Variants in SMAD2 observed in about 807,000 individuals in gnomAD.
SMAD2 encodes the protein SMAD family member 2.
Under a neutral mutation model 64.4 loss-of-function variants are expected in SMAD2, and 8 were observed. That is an observed-to-expected ratio of 0.12 (90% CI 0.07 to 0.22). SMAD2 has a LOEUF of 0.22. Ranked by LOEUF, SMAD2 falls within the 10% of genes least tolerant of loss-of-function variation. SMAD2 has a pLI of 1.00. For missense variants in SMAD2, 289 were observed against 561.2 expected (o/e 0.51, Z 4.90); for synonymous variants, 203 against 195.8 (o/e 1.04, Z -0.31).
Position 47,837,173 on chromosome 18 carries a change from C to T in SMAD2, c.*4654G>A, listed in dbSNP as rs551250099. ...ATGATTGATCAATTTGAATAGCAAC[C>T]TTCATGATGAAGAAATTAGGACTCT... On this transcript the variant is annotated 3_prime_UTR_variant, in exon 11 of 11. Transcript: ENST00000262160. 2 of 201,656 alleles carry T rather than the reference C, an allele frequency of 9.9e-6. No homozygotes were observed. The highest frequency in any genetic ancestry group is 3.8e-4 in the South Asian group (2 of 5,232). The allele number at this position is 201,656 out of a possible 1,614,324, so 12.5% of individuals were successfully genotyped here. A position where few individuals can be genotyped will look rare whatever the true frequency, so the allele number is the denominator to read the frequency against.
chr18:47,852,991 G>C (rs1307294612), intron 6 of SMAD2, among the ~76,000 whole-genome samples: 1 of 152,126 alleles, frequency 6.6e-6, no homozygotes, highest in Non-Finnish European at 1.5e-5. Flanking sequence ...TTACCTAAAA[G>C]AGCATGACCC....
At chr18:47,881,242 G>A (rs548190563) in intron 2 of SMAD2, among the ~76,000 whole-genome samples, 2 of 152,264 alleles carry the variant, frequency 1.3e-5, no homozygotes, top group South Asian at 2.1e-4. Flanking sequence ...CTGGCCATAT[G>A]AGAATCACAA....
intron 1 of SMAD2, among the ~76,000 whole-genome samples, chr18:47,915,978 A>G (rs544695819): frequency 5.8e-4 from 89 of 152,354 alleles, no homozygotes; most frequent in African/African-American, 2.1e-3. Context: ...TGTCATGAAC[A>G]AGTACTAAAT....
Position 47,841,603 on chromosome 18 carries a change from C to A in SMAD2, c.*224G>T. The A allele has an allele frequency of 1.8e-6, 1 of 569,946 alleles. No homozygotes were observed. The highest frequency in any genetic ancestry group is 3.1e-6 in the Non-Finnish European group (1 of 319,096). 35.3% of individuals were successfully genotyped at this position (569,946 alleles called of 1,614,324 possible). A position where few individuals can be genotyped will look rare whatever the true frequency, so the allele number is the denominator to read the frequency against. ...TAAGACATCATTAAGTCTTTAAAATCTTCTCTTCCTCTTTAATGGGAGAGT... is the reference window on the plus strand; with the variant it reads ...TAAGACATCATTAAGTCTTTAAAATATTCTCTTCCTCTTTAATGGGAGAGT... On this transcript the variant is annotated 3_prime_UTR_variant, in exon 11 of 11. Coordinates refer to ENST00000262160, the MANE Select transcript of SMAD2 (RefSeq NM_005901.6).
rs1912717062 is a variant in SMAD2, at chr18:47,825,424, T to C, written c.*16403A>G. 6.6e-6 allele frequency: 1 copy of C among 152,252 alleles called. No individual in the cohort carries two copies. The highest frequency in any genetic ancestry group is 2.1e-4 in the South Asian group (1 of 4,814). The allele number at this position is 152,252 out of a possible 1,614,324, so 9.4% of individuals were successfully genotyped here. ...GACTAGATTAGTCCCCAGGAGTGGGTTGTTAAAAAGAGACTTGTTTGGTTG... is the reference window on the plus strand; with the variant it reads ...GACTAGATTAGTCCCCAGGAGTGGGCTGTTAAAAAGAGACTTGTTTGGTTG... On this transcript the variant is annotated 3_prime_UTR_variant, in exon 11 of 11. Transcript: ENST00000262160.
intron 1 of SMAD2, among the ~76,000 whole-genome samples, chr18:47,924,239 A>G (rs1598905536): frequency 8.3e-6 from 1 of 120,794 alleles, no homozygotes; most frequent in African/African-American, 3.2e-5. Flanking sequence ...CAGGAGCAAA[A>G]CTCCGTCTCA....
In SMAD2 at chr18:47,823,155, T is replaced by G. The variant is rs1242993470; in HGVS notation, c.*18672A>C. ...GCCTGGCTTCAATGGTTCTCAGCAT[T>G]ACACTGAATTAAAAATTATCATTTC... On this transcript the variant is annotated 3_prime_UTR_variant, in exon 11 of 11. Transcript: ENST00000262160. The G allele has an allele frequency of 6.6e-6, 1 of 152,164 alleles. No homozygotes were observed. Among genetic ancestry groups the G allele is most frequent in the African/African-American group, 2.4e-5 (1 of 41,446 alleles). 9.4% of individuals were successfully genotyped at this position (152,164 alleles called of 1,614,324 possible).
At position 47,835,437 on chromosome 18, in the gene SMAD2, AT is replaced by A; in HGVS notation, c.*6389del. ...AAAGGATCCTCCTGTTTCTCATCAAATTTTTTTTCAGCTCGAACAATCCAAG... is the reference window on the plus strand; with the variant it reads ...AAAGGATCCTCCTGTTTCTCATCAAATTTTTTTCAGCTCGAACAATCCAAG... On this transcript the variant is annotated 3_prime_UTR_variant, in exon 11 of 11. Coordinates refer to ENST00000262160, the MANE Select transcript of SMAD2 (RefSeq NM_005901.6). 3.0e-5 allele frequency: 6 copies of A among 200,466 alleles called. No homozygotes were observed. The highest frequency in any genetic ancestry group is 1.2e-4 in the Admixed American group (2 of 16,616). The allele number at this position is 200,466 out of a possible 1,614,324, so 12.4% of individuals were successfully genotyped here. A position where few individuals can be genotyped will look rare whatever the true frequency, so the allele number is the denominator to read the frequency against.
chr18:47,899,517 A>G (rs1367236868), intron 1 of SMAD2, among the ~76,000 whole-genome samples: 1 of 152,216 alleles, frequency 6.6e-6, no homozygotes, highest in Non-Finnish European at 1.5e-5. Context: ...CAACATGGTA[A>G]CACAACTTTT....
intron 1 of SMAD2, among the ~76,000 whole-genome samples, chr18:47,928,505 TA>T (rs2034858987): frequency 2.6e-5 from 4 of 152,230 alleles, no homozygotes. Flanking sequence ...TTGTTCCTAC[TA>T]AAGTTCTGTT....
intron 2 of SMAD2, among the ~76,000 whole-genome samples, chr18:47,872,387 T>C (rs1290935198): frequency 6.6e-6 from 1 of 151,928 alleles, no homozygotes; most frequent in African/African-American, 2.4e-5. Context: ...GATCAAAAAG[T>C]AGAAAAAATA....
At chr18:47,921,957 ACACT>A (rs751245756) in intron 1 of SMAD2, among the ~76,000 whole-genome samples, 4 of 152,242 alleles carry the variant, frequency 2.6e-5, no homozygotes, top group Non-Finnish European at 2.9e-5. Context: ...ATAACAGCAA[ACACT>A]GAAGAAAGTA....
Position 47,835,499 on chromosome 18 carries a change from T to C in SMAD2, c.*6328A>G, listed in dbSNP as rs1396612613. On this transcript the variant is annotated 3_prime_UTR_variant, in exon 11 of 11. Transcript: ENST00000262160. The stretch of plus-strand genomic sequence containing the variant: ...GTAAGAGTGGCAAACAAATGTTTTC[T>C]TAGGGACTTACTGAGAAAAGAAAAA... 1 of 197,016 alleles carries C rather than the reference T, an allele frequency of 5.1e-6. No individual in the cohort carries two copies. The highest frequency in any genetic ancestry group is 1.1e-5 in the Non-Finnish European group (1 of 95,068). The allele number at this position is 197,016 out of a possible 1,614,324, so 12.2% of individuals were successfully genotyped here.
At position 47,822,464 on chromosome 18, in the gene SMAD2, A is replaced by G. The variant is rs1314195158; in HGVS notation, c.*19363T>C. ...CTAATTAAGATCAACCACAACAAAA[A>G]AAGTTACATGAGACTAAGTAACTGA... is the stretch of plus-strand genomic sequence containing the variant. On this transcript the variant is annotated 3_prime_UTR_variant, in exon 11 of 11. Transcript: ENST00000262160. The G allele has an allele frequency of 3.3e-5, 5 of 152,236 alleles. No individual in the cohort carries two copies. Among genetic ancestry groups the G allele is most frequent in the Admixed American group, 6.5e-5 (1 of 15,290 alleles). The allele number at this position is 152,236 out of a possible 1,614,324, so 9.4% of individuals were successfully genotyped here. A position where few individuals can be genotyped will look rare whatever the true frequency, so the allele number is the denominator to read the frequency against.
intron 2 of SMAD2, among the ~76,000 whole-genome samples, chr18:47,877,107 C>A (rs1003875563): frequency 6.6e-6 from 1 of 151,862 alleles, no homozygotes; most frequent in African/African-American, 2.4e-5. Context: ...AAGTAATAAA[C>A]CCCATTGTTT....
intron 2 of SMAD2, among the ~76,000 whole-genome samples, chr18:47,890,211 A>C (rs541511657): frequency 6.6e-6 from 1 of 152,350 alleles, no homozygotes; most frequent in East Asian, 1.9e-4. Flanking sequence ...ACCTCATCAC[A>C]AGTGCTTTCA....
chr18:47,910,783 T>A (rs2034095565), intron 1 of SMAD2, among the ~76,000 whole-genome samples: 1 of 152,200 alleles, frequency 6.6e-6, no homozygotes, highest in African/African-American at 2.4e-5. Context: ...GCATGTGACA[T>A]GCAAAATATG....
intron 7 of SMAD2, among the ~76,000 whole-genome samples, chr18:47,850,412 A>T (rs867292752): frequency 5.7e-5 from 1 of 17,402 alleles, no homozygotes; most frequent in Non-Finnish European, 9.4e-5. Context: ...ATTATGTATA[A>T]TATATATAAT....
chr18:47,915,186 T>C (rs934225952), intron 1 of SMAD2, among the ~76,000 whole-genome samples: 9 of 152,182 alleles, frequency 5.9e-5, no homozygotes, highest in Non-Finnish European at 1.3e-4. Context: ...CCCCTATGTA[T>C]TCCTCTTTGA....
Sources: gnomAD v4.1 joint callset for allele counts (sites outside exome capture counted in the v4.1 genomes callset) on GRCh38, gnomAD v4.1.1 for gene constraint, MANE v1.5 for transcripts, NCBI Gene and HGNC (gene_info 2026-07-23, HGNC 2026-07-21) for gene names.